The following TACR3 variants were observed in gnomAD, a reference collection of about 807,000 sequenced individuals.
TACR3 encodes tachykinin receptor 3, also known as neuromedin-K receptor.
TACR3 carries 34 observed loss-of-function variants against 35.0 expected under a neutral mutation model. That is an observed-to-expected ratio of 0.97 (90% CI 0.74 to 1.30). The LOEUF (loss-of-function observed/expected upper bound fraction) is 1.30. TACR3 is among the 50% of genes most tolerant of loss of function. The pLI is 0.00. For synonymous variants in TACR3, 233 were observed against 221.1 expected (o/e 1.05, Z -0.48); for missense variants, 558 against 591.7 (o/e 0.94, Z 0.59).
chr4:103,641,189 C>G (rs1725348941), intron 3 of TACR3, among the ~76,000 whole-genome samples: 1 of 151,696 alleles, frequency 6.6e-6, no homozygotes, highest in South Asian at 2.1e-4. Context: ...TTCTTGGTAC[C>G]TTTGTTAATA....
At chr4:103,693,348 A>G (rs1026407517) in intron 1 of TACR3, among the ~76,000 whole-genome samples, 3 of 152,194 alleles carry the variant, frequency 2.0e-5, no homozygotes, top group Non-Finnish European at 4.4e-5. Context: ...ATGGGCAGAC[A>G]CACAGAGGTG....
intron 3 of TACR3, among the ~76,000 whole-genome samples, chr4:103,616,364 G>GAGTATAT (rs1724661444): frequency 6.6e-6 from 1 of 151,880 alleles, no homozygotes; most frequent in Admixed American, 6.6e-5. Context: ...ATAACATATG[G>GAGTATAT]AGTATATAGT....
intron 1 of TACR3, among the ~76,000 whole-genome samples, chr4:103,679,499 G>A (rs777806623): frequency 7.9e-5 from 12 of 151,912 alleles, no homozygotes; most frequent in Non-Finnish European, 1.5e-4. Context: ...TGAAACGGGT[G>A]CAAAGAGCTC....
At chr4:103,625,187 CATGG>C (rs1236611413) in intron 3 of TACR3, among the ~76,000 whole-genome samples, 2 of 151,984 alleles carry the variant, frequency 1.3e-5, no homozygotes, top group Non-Finnish European at 2.9e-5. Flanking sequence ...AAGTTATATA[CATGG>C]AGGCTGCTAA....
intron 3 of TACR3, among the ~76,000 whole-genome samples, chr4:103,598,570 G>A (rs966699666): frequency 1.3e-5 from 2 of 151,932 alleles, no homozygotes; most frequent in South Asian, 4.2e-4. Flanking sequence ...TTTCTTCTAG[G>A]GTTTTTATGG....
At position 103,620,547 on chromosome 4, in the gene TACR3, T is replaced by G. The variant is rs1302103636; in HGVS notation, c.889-28864A>C. Among the ~76,000 whole-genome samples the G allele has an allele frequency of 5.3e-5, 8 of 152,258 alleles. No individual in the cohort carries two copies. In the East Asian group the frequency reaches 1.5e-3, roughly 29 times the overall value. On this transcript the variant is annotated intron_variant, in intron 3 of 4. Coordinates refer to ENST00000304883, the MANE Select transcript of TACR3 (RefSeq NM_001059.3). ...AATTTAAAAAATGCCCATATACACC[T>G]TGAAATACTATGCAGCCATAAAAAA... is the stretch of plus-strand genomic sequence containing the variant.
In TACR3 at chr4:103,589,544, C is replaced by T. The variant is rs200193311; in HGVS notation, c.*138G>A. The T allele has an allele frequency of 9.6e-4, 852 of 888,014 alleles. 6 individuals are homozygous for T. The highest frequency in any genetic ancestry group is 6.0e-3 in the Middle Eastern group (19 of 3,184). 55.0% of individuals were successfully genotyped at this position (888,014 alleles called of 1,614,324 possible). ...TTTGTCACATTTATACACTACCTTT[C>T]TCAATTTGACCATAGCTGCCTAAAA... On this transcript the variant is annotated 3_prime_UTR_variant, in exon 5 of 5. Coordinates refer to ENST00000304883, the MANE Select transcript of TACR3 (RefSeq NM_001059.3).
At chr4:103,622,356 T>C (rs1201782293) in intron 3 of TACR3, among the ~76,000 whole-genome samples, 2 of 152,190 alleles carry the variant, frequency 1.3e-5, no homozygotes, top group Admixed American at 6.5e-5. Flanking sequence ...GATGGTTTCA[T>C]TGACGGAGGA....
At chr4:103,714,938 G>A (rs1228106965) in intron 1 of TACR3, among the ~76,000 whole-genome samples, 1 of 151,970 alleles carries the variant, frequency 6.6e-6, no homozygotes, top group Non-Finnish European at 1.5e-5. Flanking sequence ...CATAAATTAG[G>A]TTTATGTAAA....
rs576239362 is a variant in TACR3 at position 103,601,316 on chromosome 4, A to C, written c.889-9633T>G. On this transcript the variant is annotated intron_variant, in intron 3 of 4. Transcript: ENST00000304883. The stretch of plus-strand genomic sequence containing the variant: ...GAGATGGGTTTCCTGAATACAGCAC[A>C]CTGATGGGTCTTGACGCTATCCAAT... 2.0e-5 allele frequency among the ~76,000 whole-genome samples: 3 copies of C among 151,876 alleles called. No homozygotes were observed. In the East Asian group the frequency reaches 5.8e-4, roughly 29 times the overall value.
chr4:103,660,848 A>G (rs1053648323), intron 1 of TACR3, among the ~76,000 whole-genome samples: 4 of 152,042 alleles, frequency 2.6e-5, no homozygotes, highest in Non-Finnish European at 5.9e-5. Flanking sequence ...TGAAGATAAT[A>G]ATAAAAAAAT....
chr4:103,650,741 A>G (rs1725588626), intron 3 of TACR3, among the ~76,000 whole-genome samples: 1 of 83,864 alleles, frequency 1.2e-5, no homozygotes, highest in South Asian at 3.0e-4. Flanking sequence ...ATTATATCAT[A>G]TATAATATAT....
At chr4:103,627,876 A>G (rs571307920) in intron 3 of TACR3, among the ~76,000 whole-genome samples, 1 of 152,188 alleles carries the variant, frequency 6.6e-6, no homozygotes, top group Non-Finnish European at 1.5e-5. Context: ...TTATTCTAAA[A>G]CTGACCACAT....
chr4:103,682,797 C>A (rs975049745), intron 1 of TACR3, among the ~76,000 whole-genome samples: 1 of 152,098 alleles, frequency 6.6e-6, no homozygotes, highest in Non-Finnish European at 1.5e-5. Context: ...GGAGGCTGGA[C>A]TGGAGAAGGA....
chr4:103,596,601 T>C (rs1210097409), intron 3 of TACR3, among the ~76,000 whole-genome samples: 1 of 152,138 alleles, frequency 6.6e-6, no homozygotes, highest in Admixed American at 6.6e-5. Flanking sequence ...AATCCTTTTT[T>C]TAAAATTTTA....
intron 1 of TACR3, among the ~76,000 whole-genome samples, chr4:103,687,136 A>T (rs1234753046): frequency 1.3e-5 from 2 of 152,102 alleles, no homozygotes; most frequent in African/African-American, 4.8e-5. Context: ...ACAGAACCAA[A>T]GACAAAAACC....
intron 3 of TACR3, among the ~76,000 whole-genome samples, chr4:103,643,382 G>C (rs79618381): frequency 2.4e-4 from 36 of 151,244 alleles, no homozygotes; most frequent in African/African-American, 6.6e-4. Flanking sequence ...ATTTCAGTAG[G>C]GGGGAGATTG....
intron 3 of TACR3, among the ~76,000 whole-genome samples, chr4:103,630,036 C>T (rs1465975641): frequency 6.6e-6 from 1 of 152,056 alleles, no homozygotes; most frequent in Admixed American, 6.6e-5. Flanking sequence ...AATAACACCG[C>T]ACATCTACAA....
chr4:103,599,510 A>G lies in TACR3; in HGVS notation c.889-7827T>C, dbSNP rs1724134632. On this transcript the variant is annotated intron_variant, in intron 3 of 4. Coordinates refer to ENST00000304883, the MANE Select transcript of TACR3 (RefSeq NM_001059.3). ...CACTATGTTGAATAGGAGTGGTGAG[A>G]GAGGGCATCCTTGTCTTGTGCCAGT... Among the ~76,000 whole-genome samples the G allele has an allele frequency of 3.9e-5, 6 of 152,196 alleles. No individual in the cohort carries two copies. In the South Asian group the frequency reaches 1.2e-3, roughly 32 times the overall value.
Sources: gnomAD v4.1 joint callset for allele counts (sites outside exome capture counted in the v4.1 genomes callset) on GRCh38, gnomAD v4.1.1 for gene constraint, MANE v1.5 for transcripts, NCBI Gene and HGNC (gene_info 2026-07-23, HGNC 2026-07-21) for gene names.